Variants in POLQ observed in about 807,000 individuals in gnomAD.
POLQ encodes the protein epididymis secretory sperm binding protein.
POLQ carries 233 observed loss-of-function variants against 259.2 expected under a neutral mutation model. That is an observed-to-expected ratio of 0.90 (90% CI 0.81 to 1.00). The LOEUF (loss-of-function observed/expected upper bound fraction) is 1.00, where lower values mean the gene tolerates loss of function less well. POLQ is among the 50% of genes least tolerant of loss of function. POLQ has a pLI of 0.00. For synonymous variants in POLQ, 1,025 were observed against 1,048.8 expected (o/e 0.98, Z 0.44); for missense variants, 2,871 against 3,051.6 (o/e 0.94, Z 1.39).
At chr3:121,449,876 T>C (rs983521226) in intron 25 of POLQ, among the ~76,000 whole-genome samples, 1 of 151,838 alleles carries the variant, frequency 6.6e-6, no homozygotes, top group Non-Finnish European at 1.5e-5. Context: ...GACGAAGACT[T>C]AACTGGAAAA....
At chr3:121,437,037 C>T (rs2047549651) in intron 27 of POLQ, among the ~76,000 whole-genome samples, 1 of 152,034 alleles carries the variant, frequency 6.6e-6, no homozygotes. Flanking sequence ...GGAAGGGGGT[C>T]AATGTAACAT....
rs755878476 is a variant in POLQ at position 121,488,779 on chromosome 3, C to T, written c.4152G>A (p.Ala1384=). The change falls in exon 16 of 30, where the codon GCG becomes GCA. Residue 1384 remains alanine (A), a synonymous_variant. Coordinates refer to ENST00000264233, the MANE Select transcript of POLQ (RefSeq NM_199420.4). The part of the protein sequence containing the change: ...PFPAEQHPLG[A]TKIDHLDLKT... Reference sequence around the variant, plus strand: ...TAAGGTCCAAATGATCTATCTTAGTCGCTCCTAGAGGGTGCTGTTCAGCAG... The same window carrying T: ...TAAGGTCCAAATGATCTATCTTAGTTGCTCCTAGAGGGTGCTGTTCAGCAG... The T allele has an allele frequency of 1.4e-5, 22 of 1,613,780 alleles. No individual in the cohort carries two copies. Among genetic ancestry groups the T allele is most frequent in the East Asian group, 2.2e-5 (1 of 44,884 alleles).
At chr3:121,470,346 C>T (rs373843086) in intron 22 of POLQ, among the ~76,000 whole-genome samples, 15 of 152,224 alleles carry the variant, frequency 9.9e-5, no homozygotes, top group African/African-American at 3.6e-4. Context: ...AAGTTTATAT[C>T]ATTAGCATAT....
At chr3:121,480,931 A>G (rs1576411579) in intron 19 of POLQ, among the ~76,000 whole-genome samples, 1 of 152,136 alleles carries the variant, frequency 6.6e-6, no homozygotes, top group Admixed American at 6.6e-5. Context: ...ACTCCTCACA[A>G]TGAAGCCAAA....
intron 22 of POLQ, among the ~76,000 whole-genome samples, chr3:121,469,351 C>G (rs2108788681): frequency 6.6e-6 from 1 of 152,168 alleles, no homozygotes; most frequent in South Asian, 2.1e-4. Flanking sequence ...ACACTATCAG[C>G]AACACTAAAA....
intron 9 of POLQ, among the ~76,000 whole-genome samples, chr3:121,519,079 AC>A (rs1311087402): frequency 6.6e-6 from 1 of 152,022 alleles, no homozygotes; most frequent in Non-Finnish European, 1.5e-5. Flanking sequence ...CAGAGCCAGC[AC>A]CAATTTCGAG....
At position 121,486,187 on chromosome 3, in the gene POLQ, A is replaced by C. The variant is rs189076163; in HGVS notation, c.5630-1003T>G. 4.9e-4 allele frequency among the ~76,000 whole-genome samples: 75 copies of C among 152,356 alleles called. 2 individuals are homozygous for C. In the East Asian group the frequency reaches 0.014, roughly 28 times the overall value. On this transcript the variant is annotated intron_variant, in intron 16 of 29. Transcript: ENST00000264233. ...AATGTAGCTAATGTACACTGTGAAG[A>C]ACAAAGTTCCTATTAGCAATGTAAT...
chr3:121,459,950 G>A (rs551028651), intron 25 of POLQ, 100 bp downstream of exon 25: 13 of 874,760 alleles, frequency 1.5e-5, no homozygotes, highest in African/African-American at 3.3e-5. Context: ...TCCAAAGTTG[G>A]AGAAACTGTT....
intron 20 of POLQ, among the ~76,000 whole-genome samples, chr3:121,476,196 C>A (rs2047923981): frequency 6.6e-6 from 1 of 151,982 alleles, no homozygotes; most frequent in African/African-American, 2.4e-5. Flanking sequence ...CATGAAATGA[C>A]CAACTTCCTG....
At chr3:121,520,966 T>C (rs962765013) in intron 8 of POLQ, among the ~76,000 whole-genome samples, 1 of 152,374 alleles carries the variant, frequency 6.6e-6, no homozygotes, top group Non-Finnish European at 1.5e-5. Context: ...TTCAATTTTA[T>C]TTAAAAATTT....
At chr3:121,475,616 A>AGCTTAAGCATTTTTTTGGGGGGGT (rs2047919000) in intron 20 of POLQ, among the ~76,000 whole-genome samples, 1 of 152,148 alleles carries the variant, frequency 6.6e-6, no homozygotes, top group Non-Finnish European at 1.5e-5. Flanking sequence ...GAAGTTCTTT[A>AGCTTAAGCATTTTTTTGGGGGGGT]GCTTAAGCAT....
Position 121,483,593 on chromosome 3 carries a change from A to C in POLQ, c.5774-11T>G. On this transcript the variant is annotated splice_polypyrimidine_tract_variant and intron_variant, in intron 17 of 29. Transcript: ENST00000264233. ...AACTGGCACTAATTTCTTTAAAAAA[A>C]AAAAAAAAAAGGAAAAAACATTTTT... is the stretch of plus-strand genomic sequence containing the variant. The C allele has an allele frequency of 6.5e-7, 1 of 1,528,970 alleles. No homozygotes were observed. The highest frequency in any genetic ancestry group is 8.7e-7 in the Non-Finnish European group (1 of 1,143,484). The allele number at this position is 1,528,970 out of a possible 1,614,324, so 94.7% of individuals were successfully genotyped here.
chr3:121,529,777 C>T lies in POLQ; in HGVS notation c.976G>A (p.Val326Ile). Reference sequence around the variant, plus strand: ...ATCGTCTCATAACATAAACTAACAACATGGTCCTCATCTCCCTAAAACAGA... The same window carrying T: ...ATCGTCTCATAACATAAACTAACAATATGGTCCTCATCTCCCTAAAACAGA... Reference protein sequence around the residue: ...MLQVKGDEDHVVSLCYETICD... With the variant: ...MLQVKGDEDHIVSLCYETICD... Residue 326 changes from valine to isoleucine, a missense_variant, in exon 7 of 30, where the codon GTT becomes ATT. By Grantham distance (29) the Val-to-Ile change is conservative. Around this residue, in one of 3 missense-constraint regions of POLQ, gnomAD observed 783 missense variants for 906.2 expected, o/e 0.86. Transcript: ENST00000264233. The T allele has an allele frequency of 1.9e-6, 3 of 1,610,854 alleles. No individual in the cohort carries two copies. The highest frequency in any genetic ancestry group is 2.5e-6 in the Non-Finnish European group (3 of 1,178,418).
At position 121,476,655 on chromosome 3, in the gene POLQ, G is replaced by A; in HGVS notation, c.6290C>T (p.Ala2097Val). 1.2e-6 allele frequency: 2 copies of A among 1,613,208 alleles called. No individual in the cohort carries two copies. Among genetic ancestry groups the A allele is most frequent in the East Asian group, 2.2e-5 (1 of 44,878 alleles). ...LELNGIGFSTAECESQKHIMQ... is the reference protein window; with the variant it reads ...LELNGIGFSTVECESQKHIMQ... ...TATATGTTTCTGACTTTCACATTCT[G>A]CAGTACTAAAGCCAATTCCATTTAG... is the stretch of plus-strand genomic sequence containing the variant. The change falls in exon 20 of 30, where the codon GCA (alanine) becomes GTA (valine). Residue 2097 changes from alanine to valine, a missense_variant. Ala to Val is a moderately conservative substitution (Grantham distance 64, BLOSUM62 0). Coordinates refer to ENST00000264233, the MANE Select transcript of POLQ (RefSeq NM_199420.4).
rs769043225 is a variant in POLQ at position 121,449,359 on chromosome 3, T to C, written c.7220A>G (p.Asn2407Ser). 3.1e-6 allele frequency: 5 copies of C among 1,605,708 alleles called. No homozygotes were observed. Among genetic ancestry groups the C allele is most frequent in the Non-Finnish European group, 3.4e-6 (4 of 1,172,396 alleles). ...GGAGTCAATATAGCATGCAGCATCA[T>C]TTTCTTTAATGCCCATCTGCTCTCC... ...SLGEQMGIKENDAACYIDSFK... is the reference protein window; with the variant it reads ...SLGEQMGIKESDAACYIDSFK... Residue 2407 changes from asparagine (N) to serine (S), a missense_variant, in exon 26 of 30, where the codon AAT (asparagine) becomes AGT (serine). Asn to Ser is a conservative substitution (Grantham distance 46). Around this residue, in one of 3 missense-constraint regions of POLQ, gnomAD observed 2,080 missense variants for 2,126.0 expected, o/e 0.98. Coordinates refer to ENST00000264233, the MANE Select transcript of POLQ (RefSeq NM_199420.4).
intron 1 of POLQ, among the ~76,000 whole-genome samples, chr3:121,545,273 C>A (rs920482776): frequency 1.3e-5 from 2 of 152,056 alleles, no homozygotes; most frequent in Non-Finnish European, 2.9e-5. Flanking sequence ...GCACAACTAA[C>A]GATTTTAAAA....
At chr3:121,436,085 C>G in intron 28 of POLQ, 37 bp downstream of exon 28, 1 of 1,498,552 alleles carries the variant, frequency 6.7e-7, no homozygotes, top group African/African-American at 1.4e-5. Flanking sequence ...CAATTATTCT[C>G]ATCATGTTAC....
chr3:121,505,693 C>T (rs367757653), intron 12 of POLQ, among the ~76,000 whole-genome samples: 84 of 151,986 alleles, frequency 5.5e-4, no homozygotes, highest in African/African-American at 2.0e-3. Flanking sequence ...TACTAGAATA[C>T]ACTCCAAATG....
chr3:121,509,786 G>T, intron 11 of POLQ, 83 bp from the exon 12 acceptor site: 1 of 1,352,982 alleles, frequency 7.4e-7, no homozygotes, highest in Non-Finnish European at 1.0e-6. Flanking sequence ...TGTTTTCCAT[G>T]CTAACCCTCC....
Sources: allele counts gnomAD v4.1 joint callset (sites outside exome capture counted in the v4.1 genomes callset), GRCh38; gene constraint gnomAD v4.1.1; regional missense constraint gnomAD v4.1.1; transcripts MANE v1.5; gene names NCBI Gene and HGNC (gene_info 2026-07-23, HGNC 2026-07-21).